The following GALNT18 variants were observed in gnomAD, a reference collection of about 807,000 sequenced individuals.
The protein encoded by GALNT18 is polypeptide N-acetylgalactosaminyltransferase 18.
GALNT18 carries 44 observed loss-of-function variants against 69.5 expected under a neutral mutation model. The ratio of observed to expected loss-of-function variants is 0.63; its 90% CI spans 0.50 to 0.81. The LOEUF (loss-of-function observed/expected upper bound fraction) is 0.81. Ranked by LOEUF, GALNT18 falls within the 40% of genes least tolerant of loss-of-function variation. GALNT18 has a pLI of 0.00. For synonymous variants in GALNT18, 364 were observed against 318.2 expected, an observed-to-expected ratio of 1.14 and a Z score of -1.53; for missense variants, 715 against 810.0, an observed-to-expected ratio of 0.88 and a Z score of 1.42.
At chr11:11,434,521 G>T (rs755408611) in intron 2 of GALNT18, among the ~76,000 whole-genome samples, 1 of 152,228 alleles carries the variant, frequency 6.6e-6, no homozygotes, top group Non-Finnish European at 1.5e-5. Context: ...GTGCTAAGAT[G>T]AAAAGAAACT....
At chr11:11,612,181 G>GA (rs1859922855) in intron 1 of GALNT18, among the ~76,000 whole-genome samples, 1 of 151,874 alleles carries the variant, frequency 6.6e-6, no homozygotes, top group African/African-American at 2.4e-5. Context: ...AAAAAGGTAA[G>GA]AAAAAAGGTA....
chr11:11,484,694 C>T (rs912439914), intron 1 of GALNT18, among the ~76,000 whole-genome samples: 7 of 151,464 alleles, frequency 4.6e-5, no homozygotes, highest in Admixed American at 2.0e-4. Flanking sequence ...CTAGATGGAG[C>T]GTGCAGAAAG....
At position 11,470,486 on chromosome 11, in the gene GALNT18, C is replaced by T. The variant is rs11021866; in HGVS notation, c.236-21550G>A. ...AGGAAGGCGCTATCCTCCACGCAGT[C>T]GGCTAGGCAAGTGAGCATGCTGTAG... On this transcript the variant is annotated intron_variant, in intron 1 of 10. Transcript: ENST00000227756. The surrounding 1 kb of genome is among the most constrained non-coding windows in gnomAD (Gnocchi z 4.8). Among the ~76,000 whole-genome samples, 37,861 of 152,092 alleles carry T rather than the reference C, an allele frequency of 0.25. 4,949 individuals carry two copies. Among genetic ancestry groups the T allele is most frequent in the East Asian group, 0.39 (1,997 of 5,160 alleles).
intron 1 of GALNT18, among the ~76,000 whole-genome samples, chr11:11,572,268 C>T (rs1858810390): frequency 1.3e-5 from 2 of 152,312 alleles, no homozygotes; most frequent in East Asian, 1.9e-4. Context: ...AAGAGGGGTA[C>T]ACAAATACAC....
intron 9 of GALNT18, among the ~76,000 whole-genome samples, chr11:11,326,345 A>T (rs1849918288): frequency 6.6e-6 from 1 of 152,146 alleles, no homozygotes; most frequent in Non-Finnish European, 1.5e-5. Flanking sequence ...TGCCTGGCCT[A>T]AAACATCTTT....
Position 11,271,256 on chromosome 11 carries a change from C to T in GALNT18, c.1712G>A (p.Cys571Tyr). 1 of 1,614,132 alleles carries T rather than the reference C, an allele frequency of 6.2e-7. No individual in the cohort carries two copies. The highest frequency in any genetic ancestry group is 8.5e-7 in the Non-Finnish European group (1 of 1,180,004). Residue 571 changes from cysteine (C) to tyrosine (Y), a missense_variant, in exon 11 of 11, where the codon TGT becomes TAT. Cys to Tyr is a radical substitution (Grantham distance 194, BLOSUM62 -2). Transcript: ENST00000227756. ...GPIQNRKSKRCLELQENSDLE... is the reference protein window; with the variant it reads ...GPIQNRKSKRYLELQENSDLE... ...GTCGCTATTCTCCTGCAGCTCCAGA[C>T]AGCGCTTAGACTTGCGGTTCTGGAT...
rs185445059 is a variant in GALNT18, at chr11:11,499,442, C to A, written c.236-50506G>T. Among the ~76,000 whole-genome samples, 347 of 152,318 alleles carry A rather than the reference C, an allele frequency of 2.3e-3. 6 individuals are homozygous for A. The highest frequency in any genetic ancestry group is 8.0e-3 in the African/African-American group (332 of 41,566). On this transcript the variant is annotated intron_variant, in intron 1 of 10. Transcript: ENST00000227756. ...ACTGCAGCCTGTTACCTCCCTCCCC[C>A]ACCTGTGGGCTCAAGACTCCCAGAC... is the stretch of plus-strand genomic sequence containing the variant.
chr11:11,379,192 A>G lies in GALNT18; in HGVS notation c.668T>C (p.Val223Ala). Residue 223 changes from valine to alanine, a missense_variant, in exon 4 of 11, where the codon GTG (valine) becomes GCG (alanine). Val to Ala is a moderately conservative substitution (Grantham distance 64). Coordinates refer to ENST00000227756, the MANE Select transcript of GALNT18 (RefSeq NM_198516.3). ...GAGGCCTTCCTGCTTGCTGTGACGCACGACTTTGATGAAGCCTGGCTTCTG... is the reference window on the plus strand; with the variant it reads ...GAGGCCTTCCTGCTTGCTGTGACGCGCGACTTTGATGAAGCCTGGCTTCTG... ...NSQKPGFIKV[V>A]RHSKQEGLIR... 1.2e-6 allele frequency: 2 copies of G among 1,612,876 alleles called. No homozygotes were observed. Among genetic ancestry groups the G allele is most frequent in the Non-Finnish European group, 1.7e-6 (2 of 1,179,994 alleles).
At position 11,330,456 on chromosome 11, in the gene GALNT18, G is replaced by A. The variant is rs548590185; in HGVS notation, c.1416+2238C>T. 2.0e-5 allele frequency among the ~76,000 whole-genome samples: 3 copies of A among 152,312 alleles called. No individual in the cohort carries two copies. In the South Asian group the frequency reaches 6.2e-4, roughly 32 times the overall value. On this transcript the variant is annotated intron_variant, in intron 8 of 10. Coordinates refer to ENST00000227756, the MANE Select transcript of GALNT18 (RefSeq NM_198516.3). ...TCATTATGCTCTTTGACAAGCAGAC[G>A]TGTCTCTGCTTATGTAGGGGCTTGT...
At chr11:11,293,309 G>A (rs561697544) in intron 9 of GALNT18, 116 bp from the exon 10 acceptor site, 58 of 756,984 alleles carry the variant, frequency 7.7e-5, no homozygotes, top group African/African-American at 1.6e-4. Flanking sequence ...GGAAGACCCC[G>A]GAGTCTTCAC....
intron 1 of GALNT18, among the ~76,000 whole-genome samples, chr11:11,550,437 T>C (rs1858161167): frequency 6.6e-6 from 1 of 152,244 alleles, no homozygotes; most frequent in South Asian, 2.1e-4. Flanking sequence ...CCTTGTGCCA[T>C]GTGAGGCCCA....
intron 1 of GALNT18, among the ~76,000 whole-genome samples, chr11:11,481,731 T>TG (rs566230641): frequency 6.6e-6 from 1 of 151,934 alleles, no homozygotes; most frequent in African/African-American, 2.4e-5. Context: ...AGGAGTAGAA[T>TG]GGGGGGAAAC....
Position 11,573,785 on chromosome 11 carries a change from A to G in GALNT18, c.235+47574T>C, listed in dbSNP as rs943639070. ...AAACCCACTTGGAAGATGCCCATGC[A>G]TGAGCGTCGACGGTGACTTCCCGAG... On this transcript the variant is annotated intron_variant, in intron 1 of 10. Transcript: ENST00000227756. This position sits in a 1 kb window ranked among gnomAD's most constrained non-coding sequence, Gnocchi z 4.6. The G allele has an allele frequency of 2.0e-5, 3 of 152,326 alleles. No individual in the cohort carries two copies. The highest frequency in any genetic ancestry group is 7.2e-5 in the African/African-American group (3 of 41,476). 9.4% of individuals were successfully genotyped at this position (152,326 alleles called of 1,614,324 possible). A position where few individuals can be genotyped will look rare whatever the true frequency, so the allele number is the denominator to read the frequency against.
At position 11,415,996 on chromosome 11, in the gene GALNT18, C is replaced by G. The variant is rs142907804; in HGVS notation, c.595+16625G>C. On this transcript the variant is annotated intron_variant, in intron 3 of 10. Transcript: ENST00000227756. The surrounding 1 kb of genome is among the most constrained non-coding windows in gnomAD (Gnocchi z 4.1). ...AAAATAAAATCACTTCAGCCTCATG[C>G]TTGAGCAGCCCTGGTCAGGAACACT... Among the ~76,000 whole-genome samples the G allele has an allele frequency of 1.5e-4, 23 of 152,358 alleles. No individual in the cohort carries two copies. The highest frequency in any genetic ancestry group is 3.4e-4 in the Non-Finnish European group (23 of 68,038).
rs1850137483 is a variant in GALNT18, at chr11:11,337,750, G to A, written c.1278+3069C>T. Among the ~76,000 whole-genome samples the A allele has an allele frequency of 6.6e-6, 1 of 152,086 alleles. No homozygotes were observed. Among genetic ancestry groups the A allele is most frequent in the South Asian group, 2.1e-4 (1 of 4,830 alleles). Reference sequence around the variant, plus strand: ...AGGATGAACAAGCACCGAGGTGTGAGAAACAGCATGGCATGGACGGTATGT... The same window carrying A: ...AGGATGAACAAGCACCGAGGTGTGAAAAACAGCATGGCATGGACGGTATGT... On this transcript the variant is annotated intron_variant, in intron 7 of 10. Transcript: ENST00000227756. The surrounding 1 kb of genome is among the most constrained non-coding windows in gnomAD (Gnocchi z 4.9).
rs144745707 is a variant in GALNT18, at chr11:11,287,897, A to G, written c.1677+5132T>C. The stretch of plus-strand genomic sequence containing the variant: ...TTGAGAACCACTCCACTGCCCGACT[A>G]CCATCATCTAATCCATCATTGTGTA... On this transcript the variant is annotated intron_variant, in intron 10 of 10. Transcript: ENST00000227756. Among the ~76,000 whole-genome samples the G allele has an allele frequency of 3.9e-3, 601 of 152,238 alleles. 2 individuals carry two copies. The highest frequency in any genetic ancestry group is 0.024 in the Middle Eastern group (7 of 294).
chr11:11,296,680 T>A (rs1308090640), intron 9 of GALNT18, among the ~76,000 whole-genome samples: 2 of 152,218 alleles, frequency 1.3e-5, no homozygotes, highest in Non-Finnish European at 2.9e-5. Context: ...GGGAGAGACG[T>A]GTGCACTTAC....
rs1051623082 is a variant in GALNT18 at position 11,497,419 on chromosome 11, G to A, written c.236-48483C>T. Among the ~76,000 whole-genome samples the A allele has an allele frequency of 6.8e-6, 1 of 148,104 alleles. No individual in the cohort carries two copies. The highest frequency in any genetic ancestry group is 2.5e-5 in the African/African-American group (1 of 40,250). The stretch of plus-strand genomic sequence containing the variant: ...GAGCAGGGACTTTATGGGTCTTATG[G>A]AGCAAGACTTTATGGGTCCCTGCTC... On this transcript the variant is annotated intron_variant, in intron 1 of 10. Coordinates refer to ENST00000227756, the MANE Select transcript of GALNT18 (RefSeq NM_198516.3). This position sits in a 1 kb window ranked among gnomAD's most constrained non-coding sequence, Gnocchi z 4.2.
chr11:11,334,534 C>T (rs975180333), intron 7 of GALNT18, among the ~76,000 whole-genome samples: 6 of 140,676 alleles, frequency 4.3e-5, no homozygotes, highest in African/African-American at 1.5e-4. Flanking sequence ...CAGAGCAAGA[C>T]TCCGTCTCCA....
Sources: gnomAD v4.1 joint callset for allele counts (sites outside exome capture counted in the v4.1 genomes callset) on GRCh38, gnomAD v4.1.1 for gene constraint, Gnocchi (gnomAD v3.1) non-coding constraint, MANE v1.5 for transcripts, NCBI Gene and HGNC (gene_info 2026-07-23, HGNC 2026-07-21) for gene names.